SPATA6L: variants seen among roughly 807,000 people sequenced by gnomAD.
The protein encoded by SPATA6L is spermatogenesis associated 6-like protein.
SPATA6L carries 68 observed loss-of-function variants against 49.2 expected under a neutral mutation model. That is an observed-to-expected ratio of 1.38 (90% CI 1.14 to 1.69). The LOEUF (loss-of-function observed/expected upper bound fraction) is 1.69, where lower values mean the gene tolerates loss of function less well. Among genes scored for constraint, SPATA6L ranks in the 40% most tolerant of loss-of-function variants. The pLI is 0.00. For missense variants in SPATA6L, 668 were observed against 464.3 expected, an observed-to-expected ratio of 1.44 and a Z score of -4.03; for synonymous variants, 198 against 165.7, an observed-to-expected ratio of 1.19 and a Z score of -1.50.
intron 3 of SPATA6L, chr9:4,646,665 C>A: frequency 2.4e-6 from 1 of 418,550 alleles, no homozygotes; most frequent in Non-Finnish European, 4.1e-6. Flanking sequence ...ACTGCCAAAC[C>A]AACATCAAAT....
At chr9:4,654,963 T>C (rs6476884) in intron 3 of SPATA6L, among the ~76,000 whole-genome samples, 76,072 of 151,926 alleles carry the variant, frequency 0.5, 19,799 homozygotes, top group East Asian at 0.71. Flanking sequence ...TTCCCTTCCC[T>C]GGTCCATATC....
chr9:4,609,186 G>A (rs1826054998), intron 9 of SPATA6L, among the ~76,000 whole-genome samples: 1 of 151,626 alleles, frequency 6.6e-6, no homozygotes, highest in Admixed American at 6.6e-5. Context: ...TCCACGACCA[G>A]ATGGATTCAC....
intron 9 of SPATA6L, among the ~76,000 whole-genome samples, chr9:4,606,552 C>G (rs368148472): frequency 1.3e-4 from 5 of 37,070 alleles, no homozygotes; most frequent in Admixed American, 6.8e-4. Context: ...ACACCTCACA[C>G]GGCCGGGTAC....
In SPATA6L at chr9:4,600,747, A is replaced by G. The variant is rs1479897253; in HGVS notation, c.*64T>C. The G allele has an allele frequency of 1.3e-5, 2 of 152,234 alleles. No homozygotes were observed. The highest frequency in any genetic ancestry group is 3.8e-4 in the East Asian group (2 of 5,198). The allele number at this position is 152,234 out of a possible 1,614,324, so 9.4% of individuals were successfully genotyped here. The stretch of plus-strand genomic sequence containing the variant: ...ACAAAAAGTGTTCATTTCTTTAAGG[A>G]TGCTTCAATTGTCTCAGTGAGTGAG... On this transcript the variant is annotated 3_prime_UTR_variant, in exon 12 of 12. Coordinates refer to ENST00000682582, the MANE Select transcript of SPATA6L (RefSeq NM_001353486.2).
chr9:4,647,531 G>T (rs1276984763), intron 3 of SPATA6L, among the ~76,000 whole-genome samples: 1 of 152,180 alleles, frequency 6.6e-6, no homozygotes, highest in African/African-American at 2.4e-5. Flanking sequence ...GGTGAAGGCT[G>T]CAGTGAGCCA....
chr9:4,659,892 T>C (rs915431672), intron 2 of SPATA6L, among the ~76,000 whole-genome samples: 1 of 152,200 alleles, frequency 6.6e-6, no homozygotes, highest in African/African-American at 2.4e-5. Context: ...CACAACCATC[T>C]GATATTTGAC....
chr9:4,649,335 A>T (rs1278944449), intron 3 of SPATA6L, among the ~76,000 whole-genome samples: 1 of 152,192 alleles, frequency 6.6e-6, no homozygotes, highest in African/African-American at 2.4e-5. Flanking sequence ...ACTAGTTTAC[A>T]TTCCCATCGG....
chr9:4,610,828 A>G lies in SPATA6L; in HGVS notation c.996-5388T>C, dbSNP rs1330996941. On this transcript the variant is annotated intron_variant, in intron 9 of 11. Coordinates refer to ENST00000682582, the MANE Select transcript of SPATA6L (RefSeq NM_001353486.2). ...TAATTCAACTAAACAGCTTCTGCAC[A>G]GCAAAAGAAACTACCATCAGAGTGA... 5.1e-4 allele frequency among the ~76,000 whole-genome samples: 78 copies of G among 152,274 alleles called. 2 individuals carry two copies. In the South Asian group the frequency reaches 0.016, roughly 31 times the overall value.
chr9:4,640,727 G>T (rs1327895520), intron 3 of SPATA6L, among the ~76,000 whole-genome samples: 1 of 151,936 alleles, frequency 6.6e-6, no homozygotes, highest in Non-Finnish European at 1.5e-5. Context: ...ACAAATTAAT[G>T]GATCAAACTG....
chr9:4,653,537 CA>C (rs1371412429), intron 3 of SPATA6L, among the ~76,000 whole-genome samples: 14 of 152,042 alleles, frequency 9.2e-5, no homozygotes, highest in Admixed American at 7.2e-4. Context: ...TTTTGCATTT[CA>C]AAAAAATACC....
intron 3 of SPATA6L, among the ~76,000 whole-genome samples, chr9:4,642,737 A>G (rs547462856): frequency 3.8e-4 from 58 of 152,296 alleles, no homozygotes; most frequent in African/African-American, 1.3e-3. Context: ...AAACATCAAA[A>G]TAACACAACA....
chr9:4,591,636 G>A (rs749033075), intron 13 of SPATA6L, among the ~76,000 whole-genome samples: 1 of 152,212 alleles, frequency 6.6e-6, no homozygotes, highest in Non-Finnish European at 1.5e-5. Context: ...TAGCCAGAAA[G>A]GTTAAGGTAG....
rs372917660 is a variant in SPATA6L at position 4,614,507 on chromosome 9, C to G, written c.995+3416G>C. Among the ~76,000 whole-genome samples the G allele has an allele frequency of 3.6e-4, 55 of 152,292 alleles. 2 individuals carry two copies. In the South Asian group the frequency reaches 0.011, roughly 30 times the overall value. ...ACAGTGCTGACAACCCCCAGTGTCC[C>G]AGGAATCTGCCCTAGTGATCGCTCT... On this transcript the variant is annotated intron_variant, in intron 9 of 11. Coordinates refer to ENST00000682582, the MANE Select transcript of SPATA6L (RefSeq NM_001353486.2).
chr9:4,612,024 C>T (rs10974653), intron 9 of SPATA6L, among the ~76,000 whole-genome samples: 6,722 of 150,708 alleles, frequency 0.045, 508 homozygotes, highest in African/African-American at 0.15. Flanking sequence ...TTTTTTTTTC[C>T]TTAAGAGATA....
chr9:4,620,425 AC>A (rs1160978504), intron 7 of SPATA6L, among the ~76,000 whole-genome samples: 4 of 151,950 alleles, frequency 2.6e-5, no homozygotes, highest in Non-Finnish European at 2.9e-5. Context: ...CATTCATATC[AC>A]CTGGAAGCTT....
At chr9:4,609,184 C>CATCT (rs1826054449) in intron 9 of SPATA6L, among the ~76,000 whole-genome samples, 1 of 151,518 alleles carries the variant, frequency 6.6e-6, no homozygotes, top group Admixed American at 6.6e-5. Context: ...AGTCCACGAC[C>CATCT]AGATGGATTC....
intron 4 of SPATA6L, among the ~76,000 whole-genome samples, chr9:4,629,695 T>A (rs1326520238): frequency 6.6e-6 from 1 of 150,888 alleles, no homozygotes; most frequent in Non-Finnish European, 1.5e-5. Flanking sequence ...GTTTCATTGA[T>A]TTTTCTATTT....
intron 9 of SPATA6L, among the ~76,000 whole-genome samples, chr9:4,606,704 C>A (rs550614102): frequency 7.3e-6 from 1 of 137,844 alleles, no homozygotes. Flanking sequence ...AAAAACAGAA[C>A]AGAAAAACTG....
chr9:4,589,255 C>G (rs539374538), intron 13 of SPATA6L, among the ~76,000 whole-genome samples: 8 of 152,214 alleles, frequency 5.3e-5, no homozygotes, highest in Non-Finnish European at 1.0e-4. Flanking sequence ...CAGACTATGT[C>G]TAACGAATGC....
Sources: allele counts gnomAD v4.1 joint callset (sites outside exome capture counted in the v4.1 genomes callset), GRCh38; gene constraint gnomAD v4.1.1; transcripts MANE v1.5; gene names NCBI Gene and HGNC (gene_info 2026-07-23, HGNC 2026-07-21).